Variants in SEPTIN6 observed in about 807,000 individuals in gnomAD.
The protein encoded by SEPTIN6 is septin 6, also known as septin-6.
SEPTIN6 carries 8 observed loss-of-function variants against 33.6 expected under a neutral mutation model. The observed-to-expected ratio is 0.24, with a 90% CI of 0.14 to 0.43. SEPTIN6 has a LOEUF of 0.43. Ranked by LOEUF, SEPTIN6 falls within the 20% of genes least tolerant of loss-of-function variation. SEPTIN6 has a pLI of 1.00. For synonymous variants in SEPTIN6, 131 were observed against 140.0 expected (o/e 0.94, Z 0.45); for missense variants, 250 against 340.8 (o/e 0.73, Z 2.10).
chrX:119,692,857 G>C (rs1406236837), intron 1 of SEPTIN6, among the ~76,000 whole-genome samples: 1 of 111,988 alleles, frequency 8.9e-6, no homozygotes, highest in Non-Finnish European at 1.9e-5. Context: ...CGCAGGTTTT[G>C]CCTGCCCCCC....
At chrX:119,620,530 A>G (rs1319634000) in intron 10 of SEPTIN6, among the ~76,000 whole-genome samples, 3 of 109,920 alleles carry the variant, frequency 2.7e-5, no homozygotes, top group Non-Finnish European at 3.8e-5. Context: ...CGTGTTAGCC[A>G]GGATGGTCTC....
chrX:119,632,722 G>T (rs2147473647), intron 8 of SEPTIN6, among the ~76,000 whole-genome samples: 1 of 110,794 alleles, frequency 9.0e-6, no homozygotes, highest in South Asian at 3.8e-4. Flanking sequence ...CCACTTCCCA[G>T]ATTCAAGCGA....
At chrX:119,679,561 A>G (rs1054111178) in intron 1 of SEPTIN6, among the ~76,000 whole-genome samples, 2 of 111,838 alleles carry the variant, frequency 1.8e-5, no homozygotes, top group Admixed American at 1.9e-4. Flanking sequence ...GAGATGTCTT[A>G]AGAAGGGATG....
At chrX:119,669,884 C>A (rs773164429) in intron 2 of SEPTIN6, among the ~76,000 whole-genome samples, 1 of 111,778 alleles carries the variant, frequency 8.9e-6, no homozygotes, top group South Asian at 3.7e-4. Flanking sequence ...CTGTTTTTTT[C>A]CATGTTCAAC....
intron 6 of SEPTIN6, among the ~76,000 whole-genome samples, chrX:119,640,346 A>G (rs12832763): frequency 0.24 from 26,130 of 109,876 alleles, 2,414 homozygotes; most frequent in African/African-American, 0.3. Flanking sequence ...AGAATATCTG[A>G]ATTGTTTGTA....
At chrX:119,693,045 C>T in intron 1 of SEPTIN6, 31 bp downstream of exon 1, 1 of 1,168,819 alleles carries the variant, frequency 8.6e-7, no homozygotes, top group African/African-American at 1.8e-5. Context: ...GGCCCTCGGC[C>T]CCGGCCCTGG....
chrX:119,649,435 C>T (rs748844413), intron 5 of SEPTIN6, among the ~76,000 whole-genome samples: 31 of 101,429 alleles, frequency 3.1e-4, no homozygotes, highest in Non-Finnish European at 4.9e-4. Context: ...TTGCAGTGAG[C>T]CGAGATTGTG....
intron 1 of SEPTIN6, among the ~76,000 whole-genome samples, chrX:119,690,187 C>T (rs1048688376): frequency 4.5e-5 from 5 of 111,540 alleles, no homozygotes; most frequent in African/African-American, 1.3e-4. Flanking sequence ...TCAAATGGGA[C>T]GGACTTGTAT....
Position 119,647,483 on chromosome X carries a change from C to CTCTTTTTTTT in SEPTIN6, c.690+2453_690+2454insAAAAAAAAGA, listed in dbSNP as rs376139472. Among the ~76,000 whole-genome samples, 243 of 74,392 alleles carry CTCTTTTTTTT rather than the reference C, an allele frequency of 3.3e-3. 5 individuals carry two copies. Among genetic ancestry groups the CTCTTTTTTTT allele is most frequent in the African/African-American group, 0.012 (199 of 16,319 alleles). 64.6% of individuals were successfully genotyped at this position (74,392 alleles called of 115,157 possible). On this transcript the variant is annotated intron_variant, in intron 5 of 10. Transcript: ENST00000394610. The stretch of plus-strand genomic sequence containing the variant: ...TTTCTTTCCTTTCCTTTCTCTCTCT[C>CTCTTTTTTTT]TTTTTTTTTTTTTGTGAGACAGGGT...
intron 1 of SEPTIN6, among the ~76,000 whole-genome samples, chrX:119,682,154 T>C (rs1239012492): frequency 2.7e-5 from 3 of 111,428 alleles, no homozygotes; most frequent in Non-Finnish European, 5.7e-5. Flanking sequence ...TGTGGATGCA[T>C]AGAAAGAAGA....
chrX:119,682,969 G>A (rs1160010665), intron 1 of SEPTIN6, among the ~76,000 whole-genome samples: 1 of 112,585 alleles, frequency 8.9e-6, no homozygotes, highest in Non-Finnish European at 1.9e-5. Context: ...TACTAGGAAA[G>A]CGGCCAGGTA....
Position 119,629,628 on chromosome X carries a change from G to T in SEPTIN6, c.1090-120C>A. ...CCCTGCAGGACCCTGGAACCTCAGG[G>T]GGCATTTCTGTCAGGGATTGCTATG... On this transcript the variant is annotated intron_variant, in intron 8 of 10. Transcript: ENST00000394610. 8.7e-6 allele frequency: 5 copies of T among 575,008 alleles called. No homozygotes were observed. In the South Asian group the frequency reaches 1.2e-4, roughly 14 times the overall value. The allele number at this position is 575,008 out of a possible 1,213,427, so 47.4% of individuals were successfully genotyped here.
Position 119,650,090 on chromosome X carries a change from G to T in SEPTIN6, c.537C>A (p.Ile179=). ...TMKKLDSKVN[I]IPIIAKADAI... is the part of the protein sequence containing the mutation. ...CATCTGCTTTGGCAATGATGGGGAT[G>T]ATGTTCACCTAGGGAGAGGAGGGGC... The change falls in exon 5 of 11, where the codon ATC becomes ATA. Residue 179 remains isoleucine (I), a synonymous_variant. Coordinates refer to ENST00000394610, the MANE Select transcript of SEPTIN6 (RefSeq NM_145799.4). 8.3e-7 allele frequency: 1 copy of T among 1,211,034 alleles called. No individual in the cohort carries two copies. Among genetic ancestry groups the T allele is most frequent in the Non-Finnish European group, 1.1e-6 (1 of 895,086 alleles).
chrX:119,616,159 T>A (rs1264589584), downstream of SEPTIN6: 1 of 209,908 alleles, frequency 4.8e-6, no homozygotes, highest in Non-Finnish European at 8.9e-6. Flanking sequence ...ACCCCCTCCC[T>A]TCTCTACCTA....
chrX:119,637,515 G>GTCCA (rs746827031), intron 6 of SEPTIN6, among the ~76,000 whole-genome samples: 252 of 109,787 alleles, frequency 2.3e-3, no homozygotes, highest in Non-Finnish European at 4.2e-3. Context: ...ATATGCATCT[G>GTCCA]TCCATCCATC....
chrX:119,633,927 C>T (rs2147477243), intron 7 of SEPTIN6, among the ~76,000 whole-genome samples: 1 of 112,048 alleles, frequency 8.9e-6, no homozygotes, highest in African/African-American at 3.2e-5. Context: ...TCAACAAATG[C>T]TTGAGGAGAC....
chrX:119,679,683 C>A lies in SEPTIN6; in HGVS notation c.31-4015G>T, dbSNP rs753715169. Among the ~76,000 whole-genome samples the A allele has an allele frequency of 4.5e-5, 5 of 111,209 alleles. No homozygotes were observed. The South Asian group carries it at 1.9e-3, about 42-fold the overall frequency. ...AACCAGCCTGGCCAACATGGTGAAA[C>A]CCCATCTCTACTAAAAATACAAAAA... On this transcript the variant is annotated intron_variant, in intron 1 of 10. Coordinates refer to ENST00000394610, the MANE Select transcript of SEPTIN6 (RefSeq NM_145799.4).
intron 10 of SEPTIN6, chrX:119,624,157 G>GT (rs66945031): frequency 4.4e-3 from 896 of 202,880 alleles, no homozygotes; most frequent in South Asian, 7.0e-3. Flanking sequence ...TTTTTTTTTT[G>GT]TTTTTTTTTT....
At chrX:119,642,177 C>CAAAAA (rs1188953936) in intron 5 of SEPTIN6, among the ~76,000 whole-genome samples, 3 of 45,371 alleles carry the variant, frequency 6.6e-5, no homozygotes, top group Non-Finnish European at 8.6e-5. Context: ...GACCCAGTCT[C>CAAAAA]AAAAAAAAAA....
Sources: allele counts gnomAD v4.1 joint callset (sites outside exome capture counted in the v4.1 genomes callset), GRCh38; gene constraint gnomAD v4.1.1; transcripts MANE v1.5; gene names NCBI Gene and HGNC (gene_info 2026-07-23, HGNC 2026-07-21).